FBXW7: variants seen among roughly 807,000 people sequenced by gnomAD.
FBXW7 encodes the protein F-box and WD repeat domain containing 7.
A neutral mutation model predicts 86.3 loss-of-function variants in FBXW7; 11 were observed. The ratio of observed to expected loss-of-function variants is 0.13; its 90% CI spans 0.08 to 0.21. The LOEUF is 0.21. FBXW7 is among the 10% of genes least tolerant of loss of function. FBXW7 has a pLI of 1.00. For synonymous variants in FBXW7, 313 were observed against 297.9 expected (o/e 1.05, Z -0.52); for missense variants, 488 against 847.4 (o/e 0.58, Z 5.27).
chr4:152,498,948 TTTAAAG>T (rs1432571553), intron 2 of FBXW7, among the ~76,000 whole-genome samples: 2 of 152,178 alleles, frequency 1.3e-5, no homozygotes, highest in African/African-American at 2.4e-5. Context: ...AAATAAAATC[TTTAAAG>T]TTAGACGATC....
chr4:152,384,038 AG>A (rs1735317143), intron 4 of FBXW7, among the ~76,000 whole-genome samples: 1 of 152,200 alleles, frequency 6.6e-6, no homozygotes, highest in Non-Finnish European at 1.5e-5. Flanking sequence ...AGCATGGGCT[AG>A]GATGTGGGGA....
At chr4:152,495,688 C>G (rs1242063986) in intron 2 of FBXW7, among the ~76,000 whole-genome samples, 2 of 152,084 alleles carry the variant, frequency 1.3e-5, no homozygotes, top group Admixed American at 6.5e-5. Context: ...CTGAGATACC[C>G]CTTTCTACTC....
At chr4:152,442,796 T>C (rs1432659296) in intron 2 of FBXW7, among the ~76,000 whole-genome samples, 2 of 152,302 alleles carry the variant, frequency 1.3e-5, no homozygotes, top group East Asian at 3.9e-4. Flanking sequence ...AAGGACAGTA[T>C]CAGGGATAAG....
Position 152,535,749 on chromosome 4 carries a change from C to T in FBXW7, c.-835G>A, listed in dbSNP as rs754991752. On this transcript the variant is annotated 5_prime_UTR_variant, in exon 1 of 14. Coordinates refer to ENST00000281708, the MANE Select transcript of FBXW7 (RefSeq NM_001349798.2). Reference sequence around the variant, plus strand: ...GCGCCTCCTCAGCGTTCTCTCACCGCGGAGCAGCTACCCACTCCCGGCCCG... The same window carrying T: ...GCGCCTCCTCAGCGTTCTCTCACCGTGGAGCAGCTACCCACTCCCGGCCCG... The T allele has an allele frequency of 1.4e-4, 57 of 393,952 alleles. No individual in the cohort carries two copies. The highest frequency in any genetic ancestry group is 9.3e-4 in the Admixed American group (21 of 22,504). 24.4% of individuals were successfully genotyped at this position (393,952 alleles called of 1,614,324 possible). A position where few individuals can be genotyped will look rare whatever the true frequency, so the allele number is the denominator to read the frequency against.
chr4:152,354,420 G>T (rs1338616496), intron 4 of FBXW7, among the ~76,000 whole-genome samples: 1 of 152,022 alleles, frequency 6.6e-6, no homozygotes, highest in Non-Finnish European at 1.5e-5. Flanking sequence ...TTTAGGAAAG[G>T]GGGAAAAAAG....
intron 2 of FBXW7, among the ~76,000 whole-genome samples, chr4:152,481,117 A>G (rs983507896): frequency 2.0e-5 from 3 of 152,228 alleles, no homozygotes; most frequent in African/African-American, 7.2e-5. Context: ...CTGACTCAGC[A>G]TGTTAGGAGC....
At chr4:152,503,089 G>C (rs1274344377) in intron 2 of FBXW7, among the ~76,000 whole-genome samples, 1 of 152,246 alleles carries the variant, frequency 6.6e-6, no homozygotes, top group East Asian at 1.9e-4. Flanking sequence ...TAGAAATTTT[G>C]TTAGAAAATT....
At chr4:152,445,910 T>TAAAAAAAAAA (rs11457603) in intron 2 of FBXW7, among the ~76,000 whole-genome samples, 8 of 100,676 alleles carry the variant, frequency 7.9e-5, no homozygotes, top group South Asian at 3.4e-4. Flanking sequence ...ACTCTGTCTT[T>TAAAAAAAAAA]AAAAAAAAAA....
At chr4:152,449,237 T>G (rs774641876) in intron 2 of FBXW7, among the ~76,000 whole-genome samples, 14 of 152,244 alleles carry the variant, frequency 9.2e-5, no homozygotes, top group Non-Finnish European at 1.2e-4. Context: ...ACTTCTATAC[T>G]ATAGATTAAT....
chr4:152,521,652 G>A (rs928505877), intron 2 of FBXW7, among the ~76,000 whole-genome samples: 6 of 152,112 alleles, frequency 3.9e-5, no homozygotes, highest in Middle Eastern at 3.4e-3. Context: ...ATAAGGGGAC[G>A]GTGGAAGGAG....
chr4:152,417,885 A>C (rs1307808271), intron 2 of FBXW7, among the ~76,000 whole-genome samples: 2 of 151,994 alleles, frequency 1.3e-5, no homozygotes, highest in African/African-American at 4.8e-5. Context: ...GAAGTACTAG[A>C]ATGGGGATTG....
chr4:152,374,567 C>T (rs1298851888), intron 4 of FBXW7, among the ~76,000 whole-genome samples: 1 of 151,950 alleles, frequency 6.6e-6, no homozygotes, highest in African/African-American at 2.4e-5. Flanking sequence ...AATGAATCAG[C>T]CATAGAAATA....
intron 2 of FBXW7, among the ~76,000 whole-genome samples, chr4:152,489,131 G>A (rs1284414735): frequency 6.6e-6 from 1 of 151,858 alleles, no homozygotes; most frequent in Non-Finnish European, 1.5e-5. Flanking sequence ...CAAACACCAA[G>A]GTAAATTCAG....
intron 4 of FBXW7, among the ~76,000 whole-genome samples, chr4:152,395,206 G>A (rs1360345625): frequency 6.6e-6 from 1 of 151,938 alleles, no homozygotes; most frequent in Non-Finnish European, 1.5e-5. Context: ...TGCACATCCC[G>A]ACCCTGGAGT....
chr4:152,427,364 A>C (rs536056722), intron 2 of FBXW7, among the ~76,000 whole-genome samples: 3 of 152,326 alleles, frequency 2.0e-5, no homozygotes, highest in African/African-American at 7.2e-5. Context: ...ATTGAGTGCT[A>C]ATATATGCAT....
In FBXW7 at chr4:152,411,742, C is replaced by T. The variant is rs548137658; in HGVS notation, c.62G>A (p.Gly21Asp). The T allele has an allele frequency of 1.1e-5, 18 of 1,613,596 alleles. No individual in the cohort carries two copies. The African/African-American group carries it at 1.5e-4, about 13-fold the overall frequency. ...KRRRTGGSLR[G>D]NPSSSQVDEE... ...ATCTACCTGGCTTGAGGAAGGGTTA[C>T]CTCTCAGAGAGCCTCCAGTTCGTCG... The change falls in exon 4 of 14, where the codon GGT becomes GAT. Residue 21 changes from glycine to aspartate, a missense_variant. Gly to Asp is a moderately conservative substitution (Grantham distance 94). Around this residue, in one of 4 missense-constraint regions of FBXW7, gnomAD observed 230 missense variants for 240.0 expected, o/e 0.96. Coordinates refer to ENST00000281708, the MANE Select transcript of FBXW7 (RefSeq NM_001349798.2).
Position 152,535,539 on chromosome 4 carries a change from A to G in FBXW7, c.-625T>C. ...GCTTGGTTGGGGCCCCGGTTCATAC[A>G]CTCCGGGGCAAGATGCTACGGCCCC... is the stretch of plus-strand genomic sequence containing the variant. On this transcript the variant is annotated 5_prime_UTR_variant, in exon 1 of 14. Coordinates refer to ENST00000281708, the MANE Select transcript of FBXW7 (RefSeq NM_001349798.2). 2 of 393,490 alleles carry G rather than the reference A, an allele frequency of 5.1e-6. No individual in the cohort carries two copies. The highest frequency in any genetic ancestry group is 1.3e-3 in the Middle Eastern group (2 of 1,560). The allele number at this position is 393,490 out of a possible 1,614,324, so 24.4% of individuals were successfully genotyped here. A position where few individuals can be genotyped will look rare whatever the true frequency, so the allele number is the denominator to read the frequency against.
intron 2 of FBXW7, among the ~76,000 whole-genome samples, chr4:152,456,950 A>G (rs535801107): frequency 6.6e-6 from 1 of 152,254 alleles, no homozygotes; most frequent in Non-Finnish European, 1.5e-5. Flanking sequence ...AATAACTGTT[A>G]ATAACCCAAT....
At chr4:152,476,732 A>C (rs1744434432) in intron 2 of FBXW7, among the ~76,000 whole-genome samples, 1 of 152,232 alleles carries the variant, frequency 6.6e-6, no homozygotes, top group Admixed American at 6.5e-5. Flanking sequence ...AAAATAGTAT[A>C]GAAATGAGCA....
Sources: allele counts gnomAD v4.1 joint callset (sites outside exome capture counted in the v4.1 genomes callset), GRCh38; gene constraint gnomAD v4.1.1; regional missense constraint gnomAD v4.1.1; transcripts MANE v1.5; gene names NCBI Gene and HGNC (gene_info 2026-07-23, HGNC 2026-07-21).